TSHZ3: variants seen among roughly 807,000 people sequenced by gnomAD.
TSHZ3 encodes the protein teashirt homolog 3.
TSHZ3 carries 10 observed loss-of-function variants against 64.5 expected under a neutral mutation model. That is an observed-to-expected ratio of 0.16 (90% confidence interval 0.10 to 0.26). The LOEUF is 0.26. Ranked by LOEUF, TSHZ3 falls within the 10% of genes least tolerant of loss-of-function variation. The pLI, the probability that TSHZ3 is intolerant of heterozygous loss-of-function variation, is 1.00. For missense variants in TSHZ3, 1,242 were observed against 1,421.7 expected (o/e 0.87, Z 2.03); for synonymous variants, 608 against 593.1 (o/e 1.03, Z -0.36).
chr19:31,213,275 T>G lies in TSHZ3; in HGVS notation n.687-8197A>C, dbSNP rs112557780. Among the ~76,000 whole-genome samples, 1,034 of 138,104 alleles carry G rather than the reference T, an allele frequency of 7.5e-3. 8 individuals are homozygous for G. The highest frequency in any genetic ancestry group is 0.026 in the African/African-American group (940 of 36,636). The allele number at this position is 138,104 out of a possible 152,430, so 90.6% of individuals were successfully genotyped here. The stretch of plus-strand genomic sequence containing the variant: ...AGGAGGCTGAGGCAGGAGAATTGCT[T>G]GAACCTAGGAGGCAGAGGTTGCAGT... On this transcript the variant is annotated intron_variant and non_coding_transcript_variant, in intron 4 of 6. Coordinates refer to the TSHZ3 transcript ENST00000651361.
intron 4 of TSHZ3, among the ~76,000 whole-genome samples, chr19:31,221,631 C>T (rs1568352089): frequency 6.6e-6 from 1 of 152,172 alleles, no homozygotes. Flanking sequence ...CCTCCCCTCT[C>T]CTGTAATGCT....
intron 1 of TSHZ3, among the ~76,000 whole-genome samples, chr19:31,261,691 T>A (rs1183174833): frequency 6.6e-6 from 1 of 152,178 alleles, no homozygotes; most frequent in African/African-American, 2.4e-5. Context: ...CAGCCACATA[T>A]ACGTTACAAG....
intron 5 of TSHZ3, among the ~76,000 whole-genome samples, chr19:31,203,205 C>T (rs541819783): frequency 1.3e-5 from 2 of 151,990 alleles, no homozygotes; most frequent in Non-Finnish European, 2.9e-5. Context: ...GAAGGGCATT[C>T]CCAGAAGAGG....
At chr19:31,194,712 T>G (rs894795575) in intron 5 of TSHZ3, among the ~76,000 whole-genome samples, 1 of 152,112 alleles carries the variant, frequency 6.6e-6, no homozygotes, top group African/African-American at 2.4e-5. Flanking sequence ...AGCAAAACAG[T>G]GCAGATTGAA....
rs1976324802 is a variant in TSHZ3, at chr19:31,279,590, G to A, written c.203C>T (p.Ser68Phe). 14 of 1,611,678 alleles carry A rather than the reference G, an allele frequency of 8.7e-6. No individual in the cohort carries two copies. Among genetic ancestry groups the A allele is most frequent in the African/African-American group, 1.3e-5 (1 of 74,900 alleles). The change falls in exon 2 of 2, where the codon TCC (serine) becomes TTC (phenylalanine). Residue 68 changes from serine (S) to phenylalanine (F), a missense_variant. Coordinates refer to ENST00000240587, the MANE Select transcript of TSHZ3 (RefSeq NM_020856.4). The surrounding 1 kb of genome is among the most constrained non-coding windows in gnomAD (Gnocchi z 6.4). Reference sequence around the variant, plus strand: ...TGACTCGCTGTCCATTTCATGGCAGGAAAACTCGGCGGCCGGGGAGTTCTG... The same window carrying A: ...TGACTCGCTGTCCATTTCATGGCAGAAAAACTCGGCGGCCGGGGAGTTCTG... ...SYQNSPAAEFSCHEMDSESHI... is the reference protein window; with the variant it reads ...SYQNSPAAEFFCHEMDSESHI...
At position 31,213,222 on chromosome 19, in the gene TSHZ3, C is replaced by T. The variant is rs1483198038; in HGVS notation, n.687-8144G>A. 4.6e-5 allele frequency among the ~76,000 whole-genome samples: 7 copies of T among 151,010 alleles called. 1 individual carries two copies. In the South Asian group the frequency reaches 8.4e-4, roughly 18 times the overall value. The stretch of plus-strand genomic sequence containing the variant: ...ATACAAAAAAATTAGCCGGGCGTGG[C>T]GTCATGCACCTGTAGTCCCAGCTAC... On this transcript the variant is annotated intron_variant and non_coding_transcript_variant, in intron 4 of 6. Transcript: ENST00000651361.
chr19:31,322,720 A>C (rs1202798361), intron 1 of TSHZ3, among the ~76,000 whole-genome samples: 1 of 152,252 alleles, frequency 6.6e-6, no homozygotes, highest in East Asian at 1.9e-4. Context: ...ATCCCCAGCC[A>C]GTACTTACTT....
upstream of TSHZ3, among the ~76,000 whole-genome samples, chr19:31,350,006 C>G (rs1416553469): frequency 1.4e-5 from 2 of 147,262 alleles, no homozygotes; most frequent in African/African-American, 5.0e-5. Flanking sequence ...GGGCGCGGCG[C>G]CAGCCCCGCC....
intron 1 of TSHZ3, among the ~76,000 whole-genome samples, chr19:31,328,954 T>C (rs1306144241): frequency 6.6e-6 from 1 of 152,150 alleles, no homozygotes; most frequent in African/African-American, 2.4e-5. Context: ...TGTTCACCAA[T>C]CTCACTTGCG....
At chr19:31,211,068 A>T (rs1170889077) in intron 4 of TSHZ3, among the ~76,000 whole-genome samples, 1 of 152,226 alleles carries the variant, frequency 6.6e-6, no homozygotes, top group African/African-American at 2.4e-5. Context: ...TTTTATGGAC[A>T]CTATAATGAA....
At chr19:31,207,818 G>A (rs1252309609) in intron 4 of TSHZ3, among the ~76,000 whole-genome samples, 1 of 152,180 alleles carries the variant, frequency 6.6e-6, no homozygotes, top group Non-Finnish European at 1.5e-5. Context: ...GTAGTTTAGT[G>A]CAGTGGTGGA....
chr19:31,240,593 T>C lies in TSHZ3; in HGVS notation n.550+1676A>G, dbSNP rs1975675124. On this transcript the variant is annotated intron_variant and non_coding_transcript_variant, in intron 3 of 6. Coordinates refer to the TSHZ3 transcript ENST00000651361. Reference sequence around the variant, plus strand: ...AATAATATCTTAGTTATCATAAATATAGCTTTAGTAGTACAGATTTTATGA... The same window carrying C: ...AATAATATCTTAGTTATCATAAATACAGCTTTAGTAGTACAGATTTTATGA... Among the ~76,000 whole-genome samples, 5 of 152,238 alleles carry C rather than the reference T, an allele frequency of 3.3e-5. No homozygotes were observed. The South Asian group carries it at 1.0e-3, about 31-fold the overall frequency.
intron 5 of TSHZ3, among the ~76,000 whole-genome samples, chr19:31,159,937 CTG>C (rs1974352939): frequency 6.6e-6 from 1 of 152,168 alleles, no homozygotes; most frequent in African/African-American, 2.4e-5. Context: ...AGCAATCCTT[CTG>C]TCTCAGCCTT....
chr19:31,230,278 G>T (rs1278296689), intron 3 of TSHZ3, among the ~76,000 whole-genome samples: 1 of 152,064 alleles, frequency 6.6e-6, no homozygotes, highest in Non-Finnish European at 1.5e-5. Flanking sequence ...GAAAAAAGTT[G>T]CAAACCCATC....
chr19:31,238,889 A>G (rs1365369960), intron 3 of TSHZ3, among the ~76,000 whole-genome samples: 3 of 152,068 alleles, frequency 2.0e-5, no homozygotes, highest in Admixed American at 2.0e-4. Context: ...TTATTATTTG[A>G]TGAGTTGAGG....
intron 5 of TSHZ3, among the ~76,000 whole-genome samples, chr19:31,182,397 T>G (rs939194663): frequency 6.6e-6 from 1 of 152,206 alleles, no homozygotes; most frequent in Admixed American, 6.5e-5. Context: ...AGCTGAAGTC[T>G]GCCTAGGGGA....
chr19:31,251,731 A>T (rs1394376666), intron 1 of TSHZ3, among the ~76,000 whole-genome samples: 1 of 152,224 alleles, frequency 6.6e-6, no homozygotes, highest in Non-Finnish European at 1.5e-5. Flanking sequence ...CGGAAGATGC[A>T]GCAGGCTGTG....
intron 3 of TSHZ3, among the ~76,000 whole-genome samples, chr19:31,239,445 C>G (rs1203996218): frequency 6.6e-6 from 1 of 151,924 alleles, no homozygotes; most frequent in East Asian, 1.9e-4. Flanking sequence ...TTCACTATTT[C>G]TTTTTTGCAA....
intron 5 of TSHZ3, among the ~76,000 whole-genome samples, chr19:31,158,602 A>T (rs2145100748): frequency 6.6e-6 from 1 of 152,310 alleles, no homozygotes; most frequent in South Asian, 2.1e-4. Context: ...TTTCAGGATG[A>T]TTCAAAAATA....
Sources: allele counts gnomAD v4.1 joint callset (sites outside exome capture counted in the v4.1 genomes callset), GRCh38; gene constraint gnomAD v4.1.1; non-coding constraint Gnocchi (gnomAD v3.1); transcripts MANE v1.5; gene names NCBI Gene and HGNC (gene_info 2026-07-23, HGNC 2026-07-21).